Variants in FAM234B observed in about 807,000 individuals in gnomAD.
FAM234B encodes family with sequence similarity 234 member B, also known as protein FAM234B.
A neutral mutation model predicts 69.3 loss-of-function variants in FAM234B; 33 were observed. That is an observed-to-expected ratio of 0.48 (90% CI 0.36 to 0.64). FAM234B has a LOEUF of 0.64. FAM234B is among the 30% of genes least tolerant of loss of function. The probability of loss-of-function intolerance (pLI) is 0.00; values close to 1 mark genes in which losing one functional copy is unlikely to be tolerated. For missense variants in FAM234B, 697 were observed against 769.7 expected, an observed-to-expected ratio of 0.91 and a Z score of 1.12; for synonymous variants, 306 against 306.9, an observed-to-expected ratio of 1.00 and a Z score of 0.03.
At chr12:13,068,259 C>A in intron 7 of FAM234B, 45 bp from the exon 8 acceptor site, 1 of 1,610,728 alleles carries the variant, frequency 6.2e-7, no homozygotes, top group South Asian at 1.1e-5. Flanking sequence ...GCTCAGAAAT[C>A]TCATCCAAGC....
rs1565509269 is a variant in FAM234B, at chr12:13,062,827, C to A, written c.722-18C>A. ...GCAAGAAGTTGTCATAGTGACCAGC[C>A]TATGTGTCCTTCCTCAGGGAAAGCC... On this transcript the variant is annotated intron_variant, in intron 4 of 12. Coordinates refer to ENST00000197268, the MANE Select transcript of FAM234B (RefSeq NM_020853.2). 1 of 1,613,340 alleles carries A rather than the reference C, an allele frequency of 6.2e-7. No individual in the cohort carries two copies. Among genetic ancestry groups the A allele is most frequent in the Non-Finnish European group, 8.5e-7 (1 of 1,179,542 alleles).
In FAM234B at chr12:13,082,326, C is replaced by T. The variant is rs1865244196; in HGVS notation, c.*1696C>T. ...TCTAGAAAATTATGAAGTCCAGATTCAAAGGGATCTCTGTTAATTACCCAC... is the reference window on the plus strand; with the variant it reads ...TCTAGAAAATTATGAAGTCCAGATTTAAAGGGATCTCTGTTAATTACCCAC... On this transcript the variant is annotated 3_prime_UTR_variant, in exon 13 of 13. Transcript: ENST00000197268. The T allele has an allele frequency of 6.6e-6, 1 of 152,150 alleles. No homozygotes were observed. Among genetic ancestry groups the T allele is most frequent in the African/African-American group, 2.4e-5 (1 of 41,432 alleles). 9.4% of individuals were successfully genotyped at this position (152,150 alleles called of 1,614,324 possible).
At chr12:13,053,451 G>A (rs1053991246) in intron 1 of FAM234B, among the ~76,000 whole-genome samples, 10 of 152,112 alleles carry the variant, frequency 6.6e-5, no homozygotes, top group African/African-American at 2.4e-4. Flanking sequence ...TAAAGAGAAA[G>A]AGTACAAAGA....
chr12:13,070,200 TATATATATATAA>T (rs1408186059), intron 9 of FAM234B, among the ~76,000 whole-genome samples: 2 of 103,720 alleles, frequency 1.9e-5, no homozygotes, highest in African/African-American at 7.8e-5. Context: ...TATATATATA[TATATATATATAA>T]AATGAAATAT....
Position 13,080,623 on chromosome 12 carries a change from A to T in FAM234B, c.1864-2A>T. ...AAAGTCACGATAACTCTTTTTCCAT[A>T]GATCTAATCTGATGGAATCTTCAGT... is the stretch of plus-strand genomic sequence containing the variant. On this transcript the variant is annotated splice_acceptor_variant, in intron 12 of 12. Coordinates refer to ENST00000197268, the MANE Select transcript of FAM234B (RefSeq NM_020853.2). LOFTEE classifies it high-confidence loss of function. 1 of 1,605,618 alleles carries T rather than the reference A, an allele frequency of 6.2e-7. No homozygotes were observed. The highest frequency in any genetic ancestry group is 8.5e-7 in the Non-Finnish European group (1 of 1,172,450).
At position 13,055,801 on chromosome 12, in the gene FAM234B, C is replaced by T; in HGVS notation, c.288C>T (p.Ser96=). The T allele has an allele frequency of 6.2e-7, 1 of 1,614,208 alleles. No individual in the cohort carries two copies. The highest frequency in any genetic ancestry group is 8.5e-7 in the Non-Finnish European group (1 of 1,180,028). ...GGGGCCTGGAACAGAAGGCGGCCTCCTCCCTGGTGTCATATGTGCGCACGT... is the reference window on the plus strand; with the variant it reads ...GGGGCCTGGAACAGAAGGCGGCCTCTTCCCTGGTGTCATATGTGCGCACGT... The part of the protein sequence containing the change: ...PLGGLEQKAA[S]SLVSYVRTSV... The change falls in exon 2 of 13, where the codon TCC becomes TCT. Residue 96 remains serine, a synonymous_variant. Transcript: ENST00000197268.
intron 10 of FAM234B, among the ~76,000 whole-genome samples, chr12:13,073,963 T>C (rs958069360): frequency 1.3e-5 from 2 of 152,232 alleles, no homozygotes; most frequent in Admixed American, 1.3e-4. Context: ...CATCACAAAT[T>C]CTTCAGAAAG....
At chr12:13,078,351 A>G (rs978967549) in intron 11 of FAM234B, among the ~76,000 whole-genome samples, 8 of 152,306 alleles carry the variant, frequency 5.3e-5, no homozygotes, top group Non-Finnish European at 8.8e-5. Context: ...GCCCATGCCT[A>G]TGTCCTGAAT....
rs1167116545 is a variant in FAM234B at position 13,044,423 on chromosome 12, G to A, written c.20G>A (p.Arg7Lys). The A allele has an allele frequency of 6.4e-7, 1 of 1,551,858 alleles. No homozygotes were observed. Among genetic ancestry groups the A allele is most frequent in the Non-Finnish European group, 8.7e-7 (1 of 1,147,414 alleles). Reference sequence around the variant, plus strand: ...TCAGCCATGGCGACCGTGCTGTCCAGGGCGCTCAAGCTGCCGGGTAAGGAG... The same window carrying A: ...TCAGCCATGGCGACCGTGCTGTCCAAGGCGCTCAAGCTGCCGGGTAAGGAG... MATVLSRALKLPGKKSP... is the reference protein window; with the variant it reads MATVLSKALKLPGKKSP... The change falls in exon 1 of 13, where the codon AGG becomes AAG. Residue 7 changes from arginine (R) to lysine (K), a missense_variant. Around this residue, in one of 3 missense-constraint regions of FAM234B, gnomAD observed 380 missense variants for 447.1 expected, o/e 0.85. Coordinates refer to ENST00000197268, the MANE Select transcript of FAM234B (RefSeq NM_020853.2). The surrounding 1 kb of genome is among the most constrained non-coding windows in gnomAD (Gnocchi z 5.6).
At chr12:13,070,220 T>C (rs1377300534) in intron 9 of FAM234B, among the ~76,000 whole-genome samples, 1 of 145,646 alleles carries the variant, frequency 6.9e-6, no homozygotes, top group African/African-American at 2.5e-5. Context: ...TAAAATGAAA[T>C]ATGTGTTTGA....
At chr12:13,052,811 A>G (rs1428437476) in intron 1 of FAM234B, among the ~76,000 whole-genome samples, 1 of 152,226 alleles carries the variant, frequency 6.6e-6, no homozygotes, top group Non-Finnish European at 1.5e-5. Flanking sequence ...TGGTACGTAC[A>G]TATCACATTT....
At position 13,058,567 on chromosome 12, in the gene FAM234B, T is replaced by A; in HGVS notation, c.532+18T>A. 6.2e-7 allele frequency: 1 copy of A among 1,605,404 alleles called. No individual in the cohort carries two copies. The highest frequency in any genetic ancestry group is 8.5e-7 in the Non-Finnish European group (1 of 1,172,142). On this transcript the variant is annotated intron_variant, in intron 3 of 12. Coordinates refer to ENST00000197268, the MANE Select transcript of FAM234B (RefSeq NM_020853.2). ...TGCAGTAGGTAAGAGACGTGTTTTT[T>A]TCAAGGCTGCTACAGGGGCACTGTC...
At position 13,055,634 on chromosome 12, in the gene FAM234B, C is replaced by T; in HGVS notation, c.121C>T (p.Leu41=). 2 of 1,614,198 alleles carry T rather than the reference C, an allele frequency of 1.2e-6. No homozygotes were observed. Among genetic ancestry groups the T allele is most frequent in the Non-Finnish European group, 1.7e-6 (2 of 1,180,036 alleles). The part of the protein sequence containing the change: ...DESEDDLVLN[L]QKNGGVKNGK... ...GAGCGAAGACGATCTGGTGCTTAACCTGCAGAAGAATGGAGGGGTCAAAAA... is the reference window on the plus strand; with the variant it reads ...GAGCGAAGACGATCTGGTGCTTAACTTGCAGAAGAATGGAGGGGTCAAAAA... Residue 41 remains leucine, a synonymous_variant, in exon 2 of 13, where the codon CTG becomes TTG. Transcript: ENST00000197268.
intron 9 of FAM234B, among the ~76,000 whole-genome samples, chr12:13,070,373 T>G (rs1865092896): frequency 6.6e-6 from 1 of 151,848 alleles, no homozygotes; most frequent in Admixed American, 6.6e-5. Flanking sequence ...CAGGAACTTG[T>G]GTGATGCAGA....
chr12:13,066,351 T>C (rs1865036085), intron 5 of FAM234B, among the ~76,000 whole-genome samples: 1 of 152,192 alleles, frequency 6.6e-6, no homozygotes, highest in Admixed American at 6.5e-5. Flanking sequence ...TAGGCTAGAA[T>C]TCTGTGCCTC....
Position 13,082,485 on chromosome 12 carries a change from C to A in FAM234B, c.*1855C>A, listed in dbSNP as rs1865246919. On this transcript the variant is annotated 3_prime_UTR_variant, in exon 13 of 13. Transcript: ENST00000197268. Reference sequence around the variant, plus strand: ...ATCCTGAAGGCAAATTTTGTTTCAACAGTTTGGAAGTCATCTGTGGGTCCA... The same window carrying A: ...ATCCTGAAGGCAAATTTTGTTTCAAAAGTTTGGAAGTCATCTGTGGGTCCA... 1 of 152,124 alleles carries A rather than the reference C, an allele frequency of 6.6e-6. No homozygotes were observed. Among genetic ancestry groups the A allele is most frequent in the South Asian group, 2.1e-4 (1 of 4,828 alleles). The allele number at this position is 152,124 out of a possible 1,614,324, so 9.4% of individuals were successfully genotyped here. A position where few individuals can be genotyped will look rare whatever the true frequency, so the allele number is the denominator to read the frequency against.
chr12:13,061,743 G>T lies in FAM234B; in HGVS notation c.701G>T (p.Ser234Ile). ...CLVTGTHKML[S>I]AFNATSGKAI... ...GTGACAGGGACACACAAGATGCTCA[G>T]CGCATTCAATGCAACGTCAGGTAAA... Residue 234 changes from serine to isoleucine, a missense_variant, in exon 4 of 13, where the codon AGC becomes ATC. Transcript: ENST00000197268. The T allele has an allele frequency of 6.2e-7, 1 of 1,613,980 alleles. No homozygotes were observed.
At chr12:13,059,803 A>G (rs750857249) in intron 3 of FAM234B, among the ~76,000 whole-genome samples, 5 of 152,200 alleles carry the variant, frequency 3.3e-5, no homozygotes, top group African/African-American at 4.8e-5. Context: ...AAACTTGATT[A>G]CACTTTTCCT....
In FAM234B at chr12:13,069,055, G is replaced by A. The variant is rs575722082; in HGVS notation, c.1368+344G>A. Among the ~76,000 whole-genome samples, 4 of 152,316 alleles carry A rather than the reference G, an allele frequency of 2.6e-5. No homozygotes were observed. The South Asian group carries it at 8.3e-4, about 32-fold the overall frequency. ...ACACACAGCTATACCTAAGATTTCA[G>A]AGAAGTCTGTGGTGACTGGGGTTTT... On this transcript the variant is annotated intron_variant, in intron 9 of 12. Transcript: ENST00000197268.
Sources: allele counts gnomAD v4.1 joint callset (sites outside exome capture counted in the v4.1 genomes callset), GRCh38; gene constraint gnomAD v4.1.1; regional missense constraint gnomAD v4.1.1; non-coding constraint Gnocchi (gnomAD v3.1); transcripts MANE v1.5; gene names NCBI Gene and HGNC (gene_info 2026-07-23, HGNC 2026-07-21).